PRIM2: variants seen among roughly 807,000 people sequenced by gnomAD.
The protein encoded by PRIM2 is DNA primase large subunit.
Under a neutral mutation model 67.3 loss-of-function variants are expected in PRIM2, and 39 were observed. The ratio of observed to expected loss-of-function variants is 0.58; its 90% confidence interval spans 0.45 to 0.76. The LOEUF is 0.76. Among genes scored for constraint, PRIM2 ranks in the 30% least tolerant of loss-of-function variants. The probability of loss-of-function intolerance (pLI) is 0.00; values close to 1 mark genes in which losing one functional copy is unlikely to be tolerated. For missense variants in PRIM2, 398 were observed against 598.7 expected (o/e 0.66, Z 3.50); for synonymous variants, 143 against 198.7 (o/e 0.72, Z 2.36).
intron 4 of PRIM2, 92 bp from the exon 5 acceptor site, chr6:57,325,833 G>A (rs929679171): frequency 1.5e-6 from 2 of 1,310,830 alleles, no homozygotes; most frequent in Non-Finnish European, 2.1e-6. Flanking sequence ...TTGGCATCTT[G>A]CTGATGTTTG....
At chr6:57,312,898 C>T (rs977417490), upstream of PRIM2, among the ~76,000 whole-genome samples, 6 of 152,066 alleles carry the variant, frequency 3.9e-5, no homozygotes, top group Non-Finnish European at 8.8e-5. Flanking sequence ...TACATTTTTC[C>T]TCCCTATAGA....
chr6:57,534,195 AGT>A (rs1464706976), intron 9 of PRIM2, among the ~76,000 whole-genome samples: 1 of 152,124 alleles, frequency 6.6e-6, no homozygotes, highest in African/African-American at 2.4e-5. Flanking sequence ...GTATGCGGTG[AGT>A]GTCTTTCTTG....
At chr6:57,338,491 A>T (rs962451860) in intron 5 of PRIM2, among the ~76,000 whole-genome samples, 5 of 150,594 alleles carry the variant, frequency 3.3e-5, no homozygotes, top group African/African-American at 1.2e-4. Context: ...CCAGCAGCAC[A>T]TCAAAAAGCT....
At chr6:57,265,154 T>C in the PRIM2 span, among the ~76,000 whole-genome samples, 1 of 152,242 alleles carries the variant, frequency 6.6e-6, no homozygotes, top group Non-Finnish European at 1.5e-5. Context: ...TGATTGCTTT[T>C]GACCTGGATG....
intron 7 of PRIM2, among the ~76,000 whole-genome samples, chr6:57,393,970 G>A (rs536653705): frequency 1.3e-5 from 2 of 151,990 alleles, no homozygotes; most frequent in East Asian, 3.9e-4. Context: ...TCAGCTGGCT[G>A]TAAGCATTTG....
intron 8 of PRIM2, among the ~76,000 whole-genome samples, chr6:57,513,042 T>G (rs1214721349): frequency 6.6e-6 from 1 of 152,168 alleles, no homozygotes; most frequent in Non-Finnish European, 1.5e-5. Flanking sequence ...ATAAACTTAC[T>G]TAGACTTACA....
chr6:57,508,134 G>C (rs1774287310), intron 8 of PRIM2, among the ~76,000 whole-genome samples: 1 of 151,804 alleles, frequency 6.6e-6, no homozygotes, highest in South Asian at 2.1e-4. Flanking sequence ...ACAGGGTTTC[G>C]CCATATTGGC....
Position 57,443,193 on chromosome 6 carries a change from T to C in PRIM2, c.693+61025T>C, listed in dbSNP as rs529090321. Reference sequence around the variant, plus strand: ...GATTCCATAATTTAGCTATTGTGAATAGTGCTTCAGTGGACATGGGAGTGC... The same window carrying C: ...GATTCCATAATTTAGCTATTGTGAACAGTGCTTCAGTGGACATGGGAGTGC... On this transcript the variant is annotated intron_variant, in intron 7 of 13. Coordinates refer to ENST00000615550, the MANE Select transcript of PRIM2 (RefSeq NM_000947.5). 2.0e-5 allele frequency among the ~76,000 whole-genome samples: 3 copies of C among 152,332 alleles called. No individual in the cohort carries two copies. The East Asian group carries it at 5.8e-4, about 29-fold the overall frequency.
chr6:57,241,943 A>T, the PRIM2 span, among the ~76,000 whole-genome samples: 1 of 152,160 alleles, frequency 6.6e-6, no homozygotes, highest in African/African-American at 2.4e-5. Flanking sequence ...AAGTGCTGAG[A>T]TTACAGGCGT....
At chr6:57,478,022 T>C (rs1254997749) in intron 7 of PRIM2, among the ~76,000 whole-genome samples, 1 of 152,234 alleles carries the variant, frequency 6.6e-6, no homozygotes, top group African/African-American at 2.4e-5. Flanking sequence ...GATTGTTTTC[T>C]GTAAGTCTGA....
chr6:57,290,244 A>G, the PRIM2 span, among the ~76,000 whole-genome samples: 5 of 152,344 alleles, frequency 3.3e-5, no homozygotes, highest in East Asian at 3.9e-4. Flanking sequence ...AACAAAGATC[A>G]AAAGAGACAA....
At chr6:57,645,761 C>G (rs1381171014) in intron 13 of PRIM2, among the ~76,000 whole-genome samples, 167 bp from the exon 14 acceptor site, 59 of 152,042 alleles carry the variant, frequency 3.9e-4, no homozygotes, top group South Asian at 6.2e-4. Flanking sequence ...GGTTGAAGCT[C>G]TCTTTGAATG....
the PRIM2 span, among the ~76,000 whole-genome samples, chr6:57,294,701 CT>C: frequency 1.3e-5 from 2 of 151,324 alleles, no homozygotes; most frequent in African/African-American, 4.9e-5. Context: ...TATAAATATA[CT>C]TTAAGCATTT....
the PRIM2 span, among the ~76,000 whole-genome samples, chr6:57,224,224 C>T: frequency 6.6e-6 from 1 of 152,110 alleles, no homozygotes; most frequent in African/African-American, 2.4e-5. Flanking sequence ...TCACTTGAAT[C>T]CAGGAGTTCA....
At chr6:57,536,257 C>A (rs1330074473) in intron 9 of PRIM2, among the ~76,000 whole-genome samples, 2 of 152,138 alleles carry the variant, frequency 1.3e-5, no homozygotes, top group African/African-American at 4.8e-5. Context: ...GAATTTAAGT[C>A]TTGGGAGGAT....
At chr6:57,596,675 C>T (rs1406715217) in intron 10 of PRIM2, among the ~76,000 whole-genome samples, 8 of 136,372 alleles carry the variant, frequency 5.9e-5, no homozygotes, top group Non-Finnish European at 1.1e-4. Flanking sequence ...AGGTATTTTC[C>T]TATCTCTTAT....
intron 7 of PRIM2, among the ~76,000 whole-genome samples, chr6:57,491,481 T>G (rs1773889529): frequency 6.6e-6 from 1 of 152,242 alleles, no homozygotes; most frequent in Admixed American, 6.5e-5. Context: ...GAGAAGTGAC[T>G]AGCATTTTTG....
upstream of PRIM2, among the ~76,000 whole-genome samples, chr6:57,311,936 G>A (rs914828449): frequency 1.0e-4 from 15 of 150,744 alleles, no homozygotes; most frequent in Middle Eastern, 3.5e-3. Flanking sequence ...ACCGGAGCCC[G>A]AGGCAGGGAG....
chr6:57,308,072 T>TA, the PRIM2 span, among the ~76,000 whole-genome samples: 7 of 152,324 alleles, frequency 4.6e-5, no homozygotes, highest in African/African-American at 1.4e-4. Flanking sequence ...ATTTTTCACT[T>TA]AAAAAATTCC....
Sources: allele counts gnomAD v4.1 joint callset (sites outside exome capture counted in the v4.1 genomes callset), GRCh38; gene constraint gnomAD v4.1.1; transcripts MANE v1.5; gene names NCBI Gene and HGNC (gene_info 2026-07-23, HGNC 2026-07-21).